DMD: variants seen among roughly 807,000 people sequenced by gnomAD.
DMD encodes the protein dystrophin, also known as mutant dystrophin.
A neutral mutation model predicts 330.1 loss-of-function variants in DMD; 63 were observed. That is an observed-to-expected ratio of 0.19 (90% CI 0.16 to 0.24). DMD has a LOEUF of 0.24. Among genes scored for constraint, DMD ranks in the 10% least tolerant of loss-of-function variants. DMD has a pLI of 1.00. For synonymous variants in DMD, 1,223 were observed against 959.8 expected (o/e 1.27, Z -5.07); for missense variants, 3,344 against 2,684.1 (o/e 1.25, Z -5.43).
At chrX:31,884,899 T>G (rs1185700558) in intron 47 of DMD, among the ~76,000 whole-genome samples, 2 of 111,732 alleles carry the variant, frequency 1.8e-5, no homozygotes, top group African/African-American at 6.5e-5. Context: ...TACATGATTT[T>G]AATGTAATTT....
chrX:32,578,283 T>C (rs2053284817), intron 13 of DMD, among the ~76,000 whole-genome samples: 1 of 112,570 alleles, frequency 8.9e-6, no homozygotes, highest in East Asian at 2.8e-4. Context: ...CAATAATGCA[T>C]ATTTTTATAG....
intron 43 of DMD, among the ~76,000 whole-genome samples, chrX:32,269,614 T>C (rs1319600470): frequency 9.0e-6 from 1 of 111,590 alleles, no homozygotes; most frequent in Non-Finnish European, 1.9e-5. Flanking sequence ...ACCGACTATA[T>C]AGTAAGTGAC....
chrX:33,118,335 C>A (rs1312539632), intron 1 of DMD, among the ~76,000 whole-genome samples: 1 of 110,168 alleles, frequency 9.1e-6, no homozygotes, highest in Non-Finnish European at 1.9e-5. Flanking sequence ...TGGTCTCGAT[C>A]TCCTGACCTC....
At chrX:31,200,055 A>C (rs1344661977) in intron 67 of DMD, among the ~76,000 whole-genome samples, 2 of 112,317 alleles carry the variant, frequency 1.8e-5, no homozygotes, top group African/African-American at 3.2e-5. Flanking sequence ...AAGTATTTAC[A>C]ATGGATCCAT....
At chrX:31,175,194 T>G (rs1569413171) in intron 71 of DMD, among the ~76,000 whole-genome samples, 1 of 111,586 alleles carries the variant, frequency 9.0e-6, no homozygotes. Flanking sequence ...AATTACATAT[T>G]TTTTTAATAA....
intron 1 of DMD, among the ~76,000 whole-genome samples, chrX:33,318,047 T>A (rs1214773731): frequency 9.0e-6 from 1 of 111,502 alleles, no homozygotes; most frequent in Non-Finnish European, 1.9e-5. Flanking sequence ...GGGCTTACTG[T>A]GCTGATTAAG....
Position 32,626,532 on chromosome X carries a change from T to C in DMD, c.1332-12079A>G, listed in dbSNP as rs1280532363. Among the ~76,000 whole-genome samples, 8 of 105,262 alleles carry C rather than the reference T, an allele frequency of 7.6e-5. 1 individual carries two copies. Among genetic ancestry groups the C allele is most frequent in the Admixed American group, 2.9e-4 (3 of 10,191 alleles). 91.4% of individuals were successfully genotyped at this position (105,262 alleles called of 115,157 possible). A position where few individuals can be genotyped will look rare whatever the true frequency, so the allele number is the denominator to read the frequency against. ...ATTCTAGCAAGGTGGTTCTTATAGA[T>C]AGATTAGTTTTGGTTTTAGCTTAAC... is the stretch of plus-strand genomic sequence containing the variant. On this transcript the variant is annotated intron_variant, in intron 11 of 78. Transcript: ENST00000357033.
intron 1 of DMD, among the ~76,000 whole-genome samples, chrX:33,303,734 G>A (rs1469853655): frequency 1.8e-5 from 2 of 111,610 alleles, no homozygotes; most frequent in Non-Finnish European, 3.8e-5. Flanking sequence ...CTGCCGCCAT[G>A]TGATGAGGAT....
At chrX:32,522,224 C>A (rs754321323) in intron 17 of DMD, among the ~76,000 whole-genome samples, 1 of 111,983 alleles carries the variant, frequency 8.9e-6, no homozygotes, top group Non-Finnish European at 1.9e-5. Context: ...TTCTTCCTGT[C>A]TCCATAGCCA....
At chrX:32,667,554 T>A (rs1248404695) in intron 9 of DMD, among the ~76,000 whole-genome samples, 1 of 111,397 alleles carries the variant, frequency 9.0e-6, no homozygotes, top group Non-Finnish European at 1.9e-5. Flanking sequence ...TCTAGTTTTA[T>A]GGAGGAAATG....
rs148741430 is a variant in DMD, at chrX:31,651,659, C to T, written c.8027+6331G>A. Among the ~76,000 whole-genome samples the T allele has an allele frequency of 4.6e-4, 51 of 111,315 alleles. No individual in the cohort carries two copies. The East Asian group carries it at 8.0e-3, about 17-fold the overall frequency. On this transcript the variant is annotated intron_variant, in intron 54 of 78. Coordinates refer to ENST00000357033, the MANE Select transcript of DMD (RefSeq NM_004006.3). ...TCAGTAAATGATGACCCCATCTTTCCGTTGCTCAGGCTAAAAATTCTTGAG... is the reference window on the plus strand; with the variant it reads ...TCAGTAAATGATGACCCCATCTTTCTGTTGCTCAGGCTAAAAATTCTTGAG...
intron 1 of DMD, among the ~76,000 whole-genome samples, chrX:33,022,639 A>T (rs952979986): frequency 4.5e-5 from 5 of 110,991 alleles, no homozygotes; most frequent in African/African-American, 6.5e-5. Context: ...ATGTCTTCTC[A>T]ATCTGTATGT....
intron 12 of DMD, among the ~76,000 whole-genome samples, chrX:32,602,986 G>T (rs916632018): frequency 2.4e-4 from 27 of 111,422 alleles, no homozygotes; most frequent in African/African-American, 6.5e-4. Context: ...ACATCTATTT[G>T]TCTGTAAAAT....
intron 44 of DMD, among the ~76,000 whole-genome samples, chrX:32,072,146 GT>G (rs2096304819): frequency 9.0e-6 from 1 of 111,338 alleles, no homozygotes; most frequent in South Asian, 3.7e-4. Context: ...ATTTCCTTCT[GT>G]TTGATTTTTG....
At chrX:32,108,800 C>T (rs1346696157) in intron 44 of DMD, among the ~76,000 whole-genome samples, 1 of 111,463 alleles carries the variant, frequency 9.0e-6, no homozygotes, top group Admixed American at 9.6e-5. Context: ...TTTTAAATAA[C>T]GTGAGGTTTT....
At chrX:31,477,790 C>T (rs1178800080) in intron 59 of DMD, among the ~76,000 whole-genome samples, 1 of 54,854 alleles carries the variant, frequency 1.8e-5, no homozygotes, top group Non-Finnish European at 3.3e-5. Context: ...ACAAGCAATA[C>T]ACCAATACAC....
intron 4 of DMD, among the ~76,000 whole-genome samples, chrX:32,838,206 AGTTT>A (rs2079829706): frequency 9.0e-6 from 1 of 111,015 alleles, no homozygotes; most frequent in African/African-American, 3.3e-5. Flanking sequence ...TGACACTCTA[AGTTT>A]GTTAGTATTC....
intron 57 of DMD, among the ~76,000 whole-genome samples, chrX:31,494,148 C>A (rs1213377237): frequency 2.2e-5 from 2 of 91,229 alleles, no homozygotes; most frequent in South Asian, 6.6e-4. Context: ...AGAGCAAGAC[C>A]CAGTCTCAAA....
intron 74 of DMD, among the ~76,000 whole-genome samples, chrX:31,163,898 C>T (rs1189927950): frequency 2.7e-5 from 3 of 111,568 alleles, no homozygotes; most frequent in East Asian, 5.6e-4. Flanking sequence ...GTAACCCCAA[C>T]AACCATAAAT....
Sources: allele counts gnomAD v4.1 joint callset (sites outside exome capture counted in the v4.1 genomes callset), GRCh38; gene constraint gnomAD v4.1.1; transcripts MANE v1.5; gene names NCBI Gene and HGNC (gene_info 2026-07-23, HGNC 2026-07-21).